SNX24: variants seen among roughly 807,000 people sequenced by gnomAD.
The protein encoded by SNX24 is sorting nexin-24.
SNX24 carries 22 observed loss-of-function variants against 28.7 expected under a neutral mutation model. The observed-to-expected ratio is 0.77, with a 90% CI of 0.55 to 1.10. The LOEUF (loss-of-function observed/expected upper bound fraction) is 1.10. SNX24 is among the 50% of genes least tolerant of loss of function. SNX24 has a pLI of 0.00. For synonymous variants in SNX24, 69 were observed against 71.5 expected, an observed-to-expected ratio of 0.96 and a Z score of 0.18; for missense variants, 221 against 201.1, an observed-to-expected ratio of 1.10 and a Z score of -0.60.
intron 3 of SNX24, among the ~76,000 whole-genome samples, chr5:122,995,492 A>G (rs530120835): frequency 1.3e-5 from 2 of 152,226 alleles, no homozygotes; most frequent in Admixed American, 6.5e-5. Flanking sequence ...GTGCTTGATA[A>G]TATTGCCTTA....
Position 122,848,541 on chromosome 5 carries a change from T to TAA in SNX24, c.60+2865_60+2866dup, listed in dbSNP as rs33950601. Among the ~76,000 whole-genome samples the TAA allele has an allele frequency of 5.8e-3, 787 of 135,134 alleles. 8 individuals carry two copies. Among genetic ancestry groups the TAA allele is most frequent in the African/African-American group, 0.017 (606 of 36,310 alleles). 88.7% of individuals were successfully genotyped at this position (135,134 alleles called of 152,430 possible). A position where few individuals can be genotyped will look rare whatever the true frequency, so the allele number is the denominator to read the frequency against. On this transcript the variant is annotated intron_variant, in intron 1 of 6. Transcript: ENST00000261369. ...AACATGGTGAAATCCCATCTCTACTTAAAAAAAAAAAAAAAAAATTAGCCA... is the reference window on the plus strand; with the variant it reads ...AACATGGTGAAATCCCATCTCTACTTAAAAAAAAAAAAAAAAAAAATTAGCCA...
chr5:122,976,620 C>G (rs1268868340), intron 3 of SNX24, among the ~76,000 whole-genome samples: 1 of 152,160 alleles, frequency 6.6e-6, no homozygotes, highest in Non-Finnish European at 1.5e-5. Flanking sequence ...TGTATTGTTC[C>G]ATGTCTTTAT....
At chr5:122,873,055 C>G (rs1346030410) in intron 1 of SNX24, among the ~76,000 whole-genome samples, 3 of 152,162 alleles carry the variant, frequency 2.0e-5, no homozygotes, top group Admixed American at 2.0e-4. Context: ...CAACCTCGAC[C>G]TTCCAGGCTT....
At chr5:122,960,811 A>G (rs1187883412) in intron 3 of SNX24, among the ~76,000 whole-genome samples, 1 of 152,196 alleles carries the variant, frequency 6.6e-6, no homozygotes, top group Non-Finnish European at 1.5e-5. Flanking sequence ...CAAAAGACTC[A>G]CAAACTACTA....
At chr5:122,867,001 C>A (rs1050065656) in intron 1 of SNX24, among the ~76,000 whole-genome samples, 1 of 152,224 alleles carries the variant, frequency 6.6e-6, no homozygotes, top group Non-Finnish European at 1.5e-5. Flanking sequence ...TGGTGCTATT[C>A]CCATTTCTAC....
In SNX24 at chr5:123,001,456, C is replaced by T. The variant is rs752383485; in HGVS notation, c.377+19C>T. 3.2e-6 allele frequency: 5 copies of T among 1,551,858 alleles called. No homozygotes were observed. Among genetic ancestry groups the T allele is most frequent in the South Asian group, 2.3e-5 (2 of 88,426 alleles). ...AGTCAAGGTAAGGACTAATCCTCAT[C>T]AGCCAGGAATAGGATTATGGTTTTG... On this transcript the variant is annotated intron_variant, in intron 5 of 6. Transcript: ENST00000261369.
intron 1 of SNX24, among the ~76,000 whole-genome samples, chr5:122,873,544 G>T (rs551778520): frequency 1.0e-3 from 153 of 152,226 alleles, no homozygotes; most frequent in Non-Finnish European, 1.4e-3. Context: ...GCTGTAAGAG[G>T]TGGCAGTAGA....
At chr5:123,027,296 A>G (rs770991613) in intron 5 of SNX24, among the ~76,000 whole-genome samples, 3 of 152,196 alleles carry the variant, frequency 2.0e-5, no homozygotes, top group Non-Finnish European at 2.9e-5. Flanking sequence ...CTCCTACAGA[A>G]GGGTCTACAC....
chr5:122,868,468 G>C (rs1755819421), intron 1 of SNX24, among the ~76,000 whole-genome samples: 1 of 151,920 alleles, frequency 6.6e-6, no homozygotes, highest in Non-Finnish European at 1.5e-5. Context: ...GCAGGGCTTT[G>C]CTCCAAAATT....
intron 1 of SNX24, among the ~76,000 whole-genome samples, chr5:122,894,784 T>A (rs1273139545): frequency 6.6e-6 from 1 of 152,220 alleles, no homozygotes; most frequent in Non-Finnish European, 1.5e-5. Flanking sequence ...TAGGTAAGTA[T>A]AATCTGGATG....
intron 1 of SNX24, among the ~76,000 whole-genome samples, chr5:122,857,279 T>TCCCAC (rs1232522405): frequency 6.6e-6 from 1 of 152,220 alleles, no homozygotes; most frequent in Non-Finnish European, 1.5e-5. Context: ...CCCAAAGTGC[T>TCCCAC]GGGATTACAG....
At chr5:122,927,901 C>G (rs1416240250) in intron 1 of SNX24, among the ~76,000 whole-genome samples, 2 of 152,184 alleles carry the variant, frequency 1.3e-5, no homozygotes, top group Admixed American at 6.5e-5. Flanking sequence ...AACTTGCCAC[C>G]ACAGACTAGT....
At chr5:122,869,897 GTT>G (rs10623024) in intron 1 of SNX24, among the ~76,000 whole-genome samples, 2 of 147,710 alleles carry the variant, frequency 1.4e-5, no homozygotes, top group African/African-American at 5.0e-5. Flanking sequence ...AGTGCTATGA[GTT>G]TTTTTTTTTT....
intron 1 of SNX24, among the ~76,000 whole-genome samples, chr5:122,930,181 G>A (rs1043739036): frequency 6.6e-6 from 1 of 152,188 alleles, no homozygotes; most frequent in Non-Finnish European, 1.5e-5. Context: ...TGGCCTAGAA[G>A]CCCTTGTGTG....
At chr5:122,929,168 C>G (rs192109713) in intron 1 of SNX24, among the ~76,000 whole-genome samples, 7 of 152,236 alleles carry the variant, frequency 4.6e-5, no homozygotes, top group Admixed American at 4.6e-4. Context: ...CTCCAGCCTC[C>G]TTCAGAGGTG....
intron 3 of SNX24, among the ~76,000 whole-genome samples, chr5:122,954,614 C>A (rs1438264193): frequency 2.0e-5 from 3 of 151,844 alleles, no homozygotes; most frequent in African/African-American, 7.3e-5. Flanking sequence ...AAGGGCCTTA[C>A]AATATTTTAA....
chr5:122,865,637 C>G (rs1427843109), intron 1 of SNX24, among the ~76,000 whole-genome samples: 1 of 152,160 alleles, frequency 6.6e-6, no homozygotes, highest in Non-Finnish European at 1.5e-5. Flanking sequence ...CCGTGCCCAG[C>G]CACTTGCTTG....
chr5:122,861,152 G>C (rs154510), intron 1 of SNX24, among the ~76,000 whole-genome samples: 117,942 of 151,766 alleles, frequency 0.78, 46,857 homozygotes, highest in East Asian at 0.99. Flanking sequence ...CCAGCCTGGC[G>C]AACGTGGTGA....
intron 1 of SNX24, among the ~76,000 whole-genome samples, chr5:122,935,167 T>C (rs1759128990): frequency 6.6e-6 from 1 of 152,202 alleles, no homozygotes; most frequent in Admixed American, 6.5e-5. Context: ...GCTCAGCAGA[T>C]GGAAACTACT....
Sources: allele counts gnomAD v4.1 joint callset (sites outside exome capture counted in the v4.1 genomes callset), GRCh38; gene constraint gnomAD v4.1.1; transcripts MANE v1.5; gene names NCBI Gene and HGNC (gene_info 2026-07-23, HGNC 2026-07-21).